ACSM5: variants seen among roughly 807,000 people sequenced by gnomAD.
ACSM5 encodes the protein acyl-coenzyme A synthetase ACSM5, mitochondrial.
A neutral mutation model predicts 71.6 loss-of-function variants in ACSM5; 56 were observed. That is an observed-to-expected ratio of 0.78 (90% CI 0.63 to 0.98). ACSM5 has a LOEUF of 0.98. Ranked by LOEUF, ACSM5 falls within the 50% of genes least tolerant of loss-of-function variation. The pLI is 0.00. For synonymous variants in ACSM5, 285 were observed against 281.5 expected (o/e 1.01, Z -0.12); for missense variants, 723 against 726.0 (o/e 1.00, Z 0.05).
At chr16:20,432,958 A>G (rs1967129628) in intron 10 of ACSM5, among the ~76,000 whole-genome samples, 1 of 146,718 alleles carries the variant, frequency 6.8e-6, no homozygotes, top group African/African-American at 2.6e-5. Flanking sequence ...CCTGGGCTCA[A>G]GCAACTCTCG....
intron 10 of ACSM5, among the ~76,000 whole-genome samples, chr16:20,434,006 C>T (rs373884481): frequency 6.6e-5 from 10 of 152,034 alleles, no homozygotes; most frequent in East Asian, 5.8e-4. Context: ...TTCTTGATAT[C>T]GGTCCTTTGT....
intron 10 of ACSM5, among the ~76,000 whole-genome samples, chr16:20,433,881 TG>T (rs1967147142): frequency 1.3e-5 from 2 of 149,288 alleles, no homozygotes; most frequent in Non-Finnish European, 3.0e-5. Context: ...TTCACCATGT[TG>T]CCTAGGCTGG....
intron 10 of ACSM5, 122 bp from the exon 11 acceptor site, chr16:20,436,929 CT>C (rs1354285723): frequency 6.2e-6 from 7 of 1,129,336 alleles, no homozygotes; most frequent in Non-Finnish European, 9.0e-6. Context: ...GCAGCCGGGA[CT>C]TTAGGAACTG....
rs1425608203 is a variant in ACSM5 at position 20,424,058 on chromosome 16, G to T, written c.910G>T (p.Val304Phe). The T allele has an allele frequency of 2.5e-6, 4 of 1,613,992 alleles. No homozygotes were observed. Among genetic ancestry groups the T allele is most frequent in the Admixed American group, 1.7e-5 (1 of 59,996 alleles). Residue 304 changes from valine to phenylalanine, a missense_variant, in exon 6 of 14, where the codon GTT becomes TTT. Physicochemically the swap from Val to Phe is conservative, Grantham distance 50 (BLOSUM62 -1). Transcript: ENST00000331849. ...VHELPRVDAK[V>F]ILNTLSKFPI... is the part of the protein sequence containing the mutation. ...TGAGCTGCCCCGAGTTGATGCCAAAGTTATCCTGAATGTAAGAGGAAAAAC... is the reference window on the plus strand; with the variant it reads ...TGAGCTGCCCCGAGTTGATGCCAAATTTATCCTGAATGTAAGAGGAAAAAC...
chr16:20,438,570 T>G (rs1449566064), intron 12 of ACSM5, among the ~76,000 whole-genome samples: 3 of 151,804 alleles, frequency 2.0e-5, no homozygotes, highest in Non-Finnish European at 4.4e-5. Flanking sequence ...TAGTTCTGCA[T>G]GCCGTGAGTT....
Position 20,419,338 on chromosome 16 carries a change from G to T in ACSM5, c.526G>T (p.Val176Leu), listed in dbSNP as rs763321661. 3.7e-6 allele frequency: 6 copies of T among 1,614,060 alleles called. No individual in the cohort carries two copies. In the African/African-American group the frequency reaches 6.7e-5, roughly 18 times the overall value. Residue 176 changes from valine to leucine, a missense_variant, in exon 4 of 14, where the codon GTG becomes TTG. Transcript: ENST00000331849. ...CACCAGTGACTCCCTAGCTCCAAGGGTGGATGCCATCAGTGCCGAATGCCC... is the reference window on the plus strand; with the variant it reads ...CACCAGTGACTCCCTAGCTCCAAGGTTGGATGCCATCAGTGCCGAATGCCC... Reference protein sequence around the residue: ...IITSDSLAPRVDAISAECPSL... With the variant: ...IITSDSLAPRLDAISAECPSL...
intron 7 of ACSM5, among the ~76,000 whole-genome samples, chr16:20,428,150 T>C (rs1353553308): frequency 1.3e-5 from 2 of 152,194 alleles, no homozygotes; most frequent in African/African-American, 4.8e-5. Context: ...TAAGGCAGAC[T>C]GAAATTTTAG....
intron 11 of ACSM5, 23 bp from the exon 12 acceptor site, chr16:20,437,245 A>C (rs774219539): frequency 3.1e-6 from 5 of 1,614,118 alleles, no homozygotes; most frequent in Admixed American, 1.7e-5. Context: ...GCCCACTTGG[A>C]AGAGTTTGTT....
rs142830992 is a variant in ACSM5 at position 20,411,103 on chromosome 16, G to A, written c.-15-367G>A. ...ATTGTAAATTGCACAGGTGGCTCACGTTCTATTTCTGTTGGACAGTGCTGC... is the reference window on the plus strand; with the variant it reads ...ATTGTAAATTGCACAGGTGGCTCACATTCTATTTCTGTTGGACAGTGCTGC... On this transcript the variant is annotated intron_variant, in intron 1 of 13. Transcript: ENST00000331849. 1.6e-3 allele frequency among the ~76,000 whole-genome samples: 243 copies of A among 152,278 alleles called. 2 individuals are homozygous for A. The highest frequency in any genetic ancestry group is 5.5e-3 in the African/African-American group (229 of 41,572).
At chr16:20,437,583 A>G (rs1481065936) in intron 12 of ACSM5, among the ~76,000 whole-genome samples, 2 of 150,164 alleles carry the variant, frequency 1.3e-5, no homozygotes, top group African/African-American at 5.0e-5. Flanking sequence ...TTGCTTTTAA[A>G]TGGACACAAC....
intron 2 of ACSM5, among the ~76,000 whole-genome samples, chr16:20,416,438 T>C (rs1966856509): frequency 6.6e-6 from 1 of 152,190 alleles, no homozygotes; most frequent in Non-Finnish European, 1.5e-5. Flanking sequence ...CTATCATCAA[T>C]TGATTTTCAA....
At chr16:20,436,612 C>T (rs552271637) in intron 10 of ACSM5, among the ~76,000 whole-genome samples, 1 of 152,312 alleles carries the variant, frequency 6.6e-6, no homozygotes, top group East Asian at 1.9e-4. Flanking sequence ...TCAAGTGATC[C>T]ACCCACCTCA....
chr16:20,430,878 G>C, intron 8 of ACSM5, 115 bp from the exon 9 acceptor site: 1 of 683,592 alleles, frequency 1.5e-6, no homozygotes, highest in East Asian at 2.7e-5. Flanking sequence ...GAAAGTGAGG[G>C]AGGAGAAAAA....
intron 6 of ACSM5, among the ~76,000 whole-genome samples, chr16:20,426,118 C>T (rs559758969): frequency 6.6e-6 from 1 of 152,222 alleles, no homozygotes; most frequent in East Asian, 1.9e-4. Context: ...TTGATTATGG[C>T]CATTCTTGCA....
chr16:20,420,443 A>G lies in ACSM5; in HGVS notation c.624-815A>G, dbSNP rs575655468. ...TGGAGAAACCCCGTCTCTACTAAAAATACAAAATTAGCTGGGCGTGGTGGC... is the reference window on the plus strand; with the variant it reads ...TGGAGAAACCCCGTCTCTACTAAAAGTACAAAATTAGCTGGGCGTGGTGGC... On this transcript the variant is annotated intron_variant, in intron 4 of 13. Coordinates refer to ENST00000331849, the MANE Select transcript of ACSM5 (RefSeq NM_017888.3). Among the ~76,000 whole-genome samples, 608 of 152,316 alleles carry G rather than the reference A, an allele frequency of 4.0e-3. 3 individuals carry two copies. Among genetic ancestry groups the G allele is most frequent in the Non-Finnish European group, 6.9e-3 (469 of 68,024 alleles).
rs71374809 is a variant in ACSM5 at position 20,439,955 on chromosome 16, G to C, written c.1656+36G>C. On this transcript the variant is annotated intron_variant, in intron 13 of 13. Coordinates refer to ENST00000331849, the MANE Select transcript of ACSM5 (RefSeq NM_017888.3). ...GGGTTTCCAGGGCACAGTGATCTGG[G>C]AATCAGATGGGCACGCTCTGCCTGG... 472 of 1,609,504 alleles carry C rather than the reference G, an allele frequency of 2.9e-4. 7 individuals carry two copies. Among genetic ancestry groups the C allele is most frequent in the South Asian group, 2.5e-3 (225 of 90,820 alleles).
At chr16:20,436,898 C>A (rs1440799578) in intron 10 of ACSM5, among the ~76,000 whole-genome samples, 154 bp from the exon 11 acceptor site, 2 of 152,158 alleles carry the variant, frequency 1.3e-5, no homozygotes, top group Non-Finnish European at 2.9e-5. Context: ...CCATAACTCC[C>A]TGTCCATTGG....
At chr16:20,439,732 C>G (rs71374812) in intron 12 of ACSM5, 68 bp from the exon 13 acceptor site, 243,001 of 1,234,320 alleles carry the variant, frequency 0.2, 42,503 homozygotes, top group East Asian at 0.77. Flanking sequence ...CTTATTCAAG[C>G]CTCACTTAAG....
rs551007531 is a variant in ACSM5, at chr16:20,437,325, G to A, written c.1494G>A (p.Leu498=). The A allele has an allele frequency of 6.2e-7, 1 of 1,614,038 alleles. No individual in the cohort carries two copies. The highest frequency in any genetic ancestry group is 1.1e-5 in the South Asian group (1 of 91,076). The stretch of plus-strand genomic sequence containing the variant: ...CCCTGGCAGAGCATCCTGCTGTCCT[G>A]GAGTCGGCTGTGGTCAGCAGCCCAG... ...ESALAEHPAV[L]ESAVVSSPDP... Residue 498 remains leucine, a synonymous_variant, in exon 12 of 14, where the codon CTG becomes CTA. Coordinates refer to ENST00000331849, the MANE Select transcript of ACSM5 (RefSeq NM_017888.3).
Sources: gnomAD v4.1 joint callset for allele counts (sites outside exome capture counted in the v4.1 genomes callset) on GRCh38, gnomAD v4.1.1 for gene constraint, MANE v1.5 for transcripts, NCBI Gene and HGNC (gene_info 2026-07-23, HGNC 2026-07-21) for gene names.